Variants in CRCP observed in about 807,000 individuals in gnomAD.
CRCP encodes CGRP receptor component.
A neutral mutation model predicts 18.5 loss-of-function variants in CRCP; 18 were observed. The observed-to-expected ratio is 0.97, with a 90% CI of 0.67 to 1.44. The LOEUF is 1.44. Ranked by LOEUF, CRCP falls within the 40% of genes most tolerant of loss-of-function variation. The pLI is 0.00. For synonymous variants in CRCP, 53 were observed against 62.9 expected, an observed-to-expected ratio of 0.84 and a Z score of 0.75; for missense variants, 130 against 176.4, an observed-to-expected ratio of 0.74 and a Z score of 1.49.
chr7:66,148,491 A>G (rs1055393570), intron 5 of CRCP, among the ~76,000 whole-genome samples: 3 of 152,222 alleles, frequency 2.0e-5, no homozygotes, highest in African/African-American at 7.2e-5. Flanking sequence ...CAGTCCCAGC[A>G]TCCAACATTT....
chr7:66,118,075 G>A (rs1408183716), intron 1 of CRCP, among the ~76,000 whole-genome samples: 1 of 152,200 alleles, frequency 6.6e-6, no homozygotes, highest in Non-Finnish European at 1.5e-5. Context: ...TGCCTCCAGG[G>A]TTCAAGATTC....
intron 1 of CRCP, among the ~76,000 whole-genome samples, chr7:66,125,189 C>CTT (rs2115895488): frequency 6.7e-6 from 1 of 149,368 alleles, no homozygotes; most frequent in South Asian, 2.1e-4. Context: ...TCTCATGCGT[C>CTT]ACATCATTGG....
intron 4 of CRCP, among the ~76,000 whole-genome samples, chr7:66,143,284 G>T (rs148686129): frequency 6.6e-6 from 1 of 152,122 alleles, no homozygotes; most frequent in Non-Finnish European, 1.5e-5. Context: ...TTCCCAAATC[G>T]CTGCCAGCAC....
intron 3 of CRCP, among the ~76,000 whole-genome samples, chr7:66,133,173 A>G (rs908559822): frequency 6.6e-6 from 1 of 152,094 alleles, no homozygotes; most frequent in African/African-American, 2.4e-5. Context: ...TGCAGTAGTT[A>G]TGACTATGGT....
intron 1 of CRCP, among the ~76,000 whole-genome samples, chr7:66,125,624 G>A (rs1265958725): frequency 6.7e-6 from 1 of 149,144 alleles, no homozygotes; most frequent in Non-Finnish European, 1.5e-5. Context: ...ATTCGTTCTA[G>A]AAGAGGCAGA....
chr7:66,145,619 A>T, intron 5 of CRCP, 119 bp downstream of exon 5: 1 of 1,024,994 alleles, frequency 9.8e-7, no homozygotes, highest in Non-Finnish European at 1.5e-6. Context: ...TCCATTTCTT[A>T]AGGAAAAAGA....
chr7:66,142,189 G>A (rs563536545), intron 4 of CRCP, among the ~76,000 whole-genome samples: 1 of 152,122 alleles, frequency 6.6e-6, no homozygotes, highest in Admixed American at 6.6e-5. Flanking sequence ...TCCCCTCACC[G>A]TGGTCTCAGT....
chr7:66,129,825 GGTC>G (rs1261181026), intron 2 of CRCP, among the ~76,000 whole-genome samples: 1 of 152,024 alleles, frequency 6.6e-6, no homozygotes, highest in African/African-American at 2.4e-5. Context: ...AGATGAGAGG[GGTC>G]GTATTGTATC....
intron 2 of CRCP, chr7:66,128,591 A>T (rs1323230576): frequency 6.6e-6 from 1 of 152,158 alleles, no homozygotes. Context: ...GGAGATTGAG[A>T]CCATCCTGGC....
chr7:66,133,333 G>A (rs1220302708), intron 3 of CRCP, among the ~76,000 whole-genome samples: 4 of 151,884 alleles, frequency 2.6e-5, no homozygotes, highest in South Asian at 2.1e-4. Flanking sequence ...GTGAAACCTC[G>A]TCTCTACTAA....
At chr7:66,151,671 C>G (rs907372800) in intron 5 of CRCP, among the ~76,000 whole-genome samples, 1 of 40,302 alleles carries the variant, frequency 2.5e-5, no homozygotes, top group South Asian at 9.4e-4. Flanking sequence ...CACCACTTCT[C>G]TCTGTGTGTG....
chr7:66,145,364 A>T, intron 4 of CRCP, 79 bp from the exon 5 acceptor site: 1 of 1,459,388 alleles, frequency 6.9e-7, no homozygotes, highest in Non-Finnish European at 9.6e-7. Context: ...TTATCTGGCA[A>T]ATTATTCTCT....
intron 2 of CRCP, among the ~76,000 whole-genome samples, chr7:66,129,742 T>C (rs443807): frequency 2.2e-4 from 33 of 152,220 alleles, no homozygotes; most frequent in South Asian, 8.3e-4. Context: ...CTTTGCTAGG[T>C]GTTTGGGTGT....
rs316305 is a variant in CRCP, at chr7:66,152,984, G to A, written c.*627G>A. The A allele has an allele frequency of 0.77, 117,278 of 152,578 alleles. 45,277 individuals are homozygous for A. The highest frequency in any genetic ancestry group is 0.82 in the African/African-American group (34,143 of 41,474). 9.5% of individuals were successfully genotyped at this position (152,578 alleles called of 1,614,324 possible). On this transcript the variant is annotated 3_prime_UTR_variant, in exon 6 of 6. Transcript: ENST00000395326. ...GGACCAGATCACTGCAGTTGAAAAC[G>A]GGCACTCCAGGCTTAGTGACAGTGG... is the stretch of plus-strand genomic sequence containing the variant.
At position 66,146,584 on chromosome 7, in the gene CRCP, A is replaced by G. The variant is rs141304621; in HGVS notation, c.297+1084A>G. On this transcript the variant is annotated intron_variant, in intron 5 of 5. Transcript: ENST00000395326. ...ATGGAAGAAAATGGTCAAAAATACG[A>G]TTTTTAGAGTTGCTAATGGAAAAAC... Among the ~76,000 whole-genome samples, 38 of 152,298 alleles carry G rather than the reference A, an allele frequency of 2.5e-4. No individual in the cohort carries two copies. The East Asian group carries it at 7.3e-3, about 29-fold the overall frequency.
intron 4 of CRCP, among the ~76,000 whole-genome samples, chr7:66,139,964 G>A (rs1447202303): frequency 6.6e-6 from 1 of 152,198 alleles, no homozygotes; most frequent in Non-Finnish European, 1.5e-5. Context: ...TTCTCTCAAA[G>A]GTTTGCCCAC....
At chr7:66,134,540 C>A (rs988872155) in intron 4 of CRCP, 166 bp downstream of exon 4, 200 of 362,476 alleles carry the variant, frequency 5.5e-4, no homozygotes, top group Middle Eastern at 1.4e-3. Flanking sequence ...GAGTAAGGAA[C>A]AAATCTTTTT....
At chr7:66,131,325 A>G (rs1312342368) in intron 3 of CRCP, among the ~76,000 whole-genome samples, 1 of 152,008 alleles carries the variant, frequency 6.6e-6, no homozygotes, top group African/African-American at 2.4e-5. Context: ...AGTTTGGTCA[A>G]GTTTAGAGTT....
chr7:66,117,675 T>C (rs1178926654), intron 1 of CRCP, among the ~76,000 whole-genome samples: 2 of 152,232 alleles, frequency 1.3e-5, no homozygotes, highest in East Asian at 1.9e-4. Context: ...ACATGGCAAC[T>C]GGAGTGATCT....
Sources: gnomAD v4.1 joint callset for allele counts (sites outside exome capture counted in the v4.1 genomes callset) on GRCh38, gnomAD v4.1.1 for gene constraint, MANE v1.5 for transcripts, NCBI Gene and HGNC (gene_info 2026-07-23, HGNC 2026-07-21) for gene names.